HECTD2: variants seen among roughly 807,000 people sequenced by gnomAD.
HECTD2 encodes the protein HECT domain E3 ubiquitin protein ligase 2.
Under a neutral mutation model 103.2 loss-of-function variants are expected in HECTD2, and 35 were observed. That is an observed-to-expected ratio of 0.34 (90% CI 0.26 to 0.45). HECTD2 has a LOEUF of 0.45. HECTD2 is among the 20% of genes least tolerant of loss of function. HECTD2 has a pLI of 1.00. For synonymous variants in HECTD2, 281 were observed against 329.9 expected, an observed-to-expected ratio of 0.85 and a Z score of 1.61; for missense variants, 596 against 937.4, an observed-to-expected ratio of 0.64 and a Z score of 4.76.
intron 8 of HECTD2, among the ~76,000 whole-genome samples, chr10:91,483,346 T>G (rs1209271287): frequency 6.6e-6 from 1 of 152,010 alleles, no homozygotes; most frequent in African/African-American, 2.4e-5. Context: ...AGCACATTCC[T>G]ATTATTGGTT....
At chr10:91,440,596 T>C (rs1404355019) in intron 2 of HECTD2, among the ~76,000 whole-genome samples, 1 of 138,864 alleles carries the variant, frequency 7.2e-6, no homozygotes, top group Admixed American at 7.4e-5. Context: ...CCTCATAAAG[T>C]GAGTTAGGGA....
At chr10:91,455,731 C>T (rs1201826732) in intron 2 of HECTD2, among the ~76,000 whole-genome samples, 4 of 150,780 alleles carry the variant, frequency 2.7e-5, no homozygotes, top group African/African-American at 9.7e-5. Flanking sequence ...CTTTAATCCA[C>T]CTTGAATTAA....
At chr10:91,491,359 G>T (rs1846472257) in intron 12 of HECTD2, 52 bp downstream of exon 12, 2 of 830,058 alleles carry the variant, frequency 2.4e-6, no homozygotes, top group African/African-American at 1.8e-5. Flanking sequence ...TCTATAATAT[G>T]ATTATTATAA....
At chr10:91,452,083 T>A (rs1844858758) in intron 2 of HECTD2, among the ~76,000 whole-genome samples, 1 of 151,992 alleles carries the variant, frequency 6.6e-6, no homozygotes, top group Non-Finnish European at 1.5e-5. Flanking sequence ...CAATAGAAAT[T>A]ATCCAGTCTT....
At position 91,492,461 on chromosome 10, in the gene HECTD2, G is replaced by A; in HGVS notation, c.1409G>A (p.Arg470His). 2 of 1,610,772 alleles carry A rather than the reference G, an allele frequency of 1.2e-6. No homozygotes were observed. The highest frequency in any genetic ancestry group is 8.5e-7 in the Non-Finnish European group (1 of 1,177,376). Residue 470 changes from arginine (R) to histidine (H), a missense_variant, in exon 13 of 21, where the codon CGC (arginine) becomes CAC (histidine). This residue lies in a region of HECTD2 where 303 missense variants were observed against 522.5 expected (regional missense o/e 0.58). Transcript: ENST00000298068. ...AAAGAATGGTTCCTTCTTCTAATTC[G>A]CCAAATTTTTCATCCAGATTATGGT... Reference protein sequence around the residue: ...LTKEWFLLLIRQIFHPDYGMF... With the variant: ...LTKEWFLLLIHQIFHPDYGMF...
chr10:91,464,284 G>A (rs1475483266), intron 5 of HECTD2, among the ~76,000 whole-genome samples: 1 of 152,154 alleles, frequency 6.6e-6, no homozygotes, highest in Non-Finnish European at 1.5e-5. Context: ...CCAAGGATTG[G>A]TAAACAGAGA....
chr10:91,436,221 A>C (rs969192028), intron 2 of HECTD2, among the ~76,000 whole-genome samples: 7 of 151,976 alleles, frequency 4.6e-5, no homozygotes, highest in African/African-American at 1.7e-4. Context: ...TTTTCTGCTC[A>C]TGGTTAATGA....
intron 2 of HECTD2, among the ~76,000 whole-genome samples, chr10:91,426,215 A>T (rs1843553613): frequency 6.6e-6 from 1 of 152,036 alleles, no homozygotes; most frequent in Admixed American, 6.6e-5. Context: ...ATATATTATT[A>T]ATGTTTCTTA....
chr10:91,486,646 A>G (rs1310337150), intron 10 of HECTD2: 6 of 152,196 alleles, frequency 3.9e-5, no homozygotes, highest in Non-Finnish European at 7.3e-5. Context: ...TCTCTTGTGC[A>G]TAACAAGGGA....
At chr10:91,430,819 T>G (rs1843827559) in intron 2 of HECTD2, among the ~76,000 whole-genome samples, 1 of 152,018 alleles carries the variant, frequency 6.6e-6, no homozygotes, top group Non-Finnish European at 1.5e-5. Context: ...CTGATGGGTC[T>G]TGACTCTTTA....
Position 91,483,800 on chromosome 10 carries a change from G to GT in HECTD2, c.822-699dup, listed in dbSNP as rs532422836. Among the ~76,000 whole-genome samples the GT allele has an allele frequency of 3.5e-3, 523 of 151,580 alleles. 3 individuals are homozygous for GT. The highest frequency in any genetic ancestry group is 7.1e-3 in the South Asian group (34 of 4,808). ...CAGTATATAACTTTGCTTTATGAGT[G>GT]TTTTTTTTAAAGACACACTTCATTT... On this transcript the variant is annotated intron_variant, in intron 8 of 20. Coordinates refer to ENST00000298068, the MANE Select transcript of HECTD2 (RefSeq NM_182765.6).
chr10:91,417,690 T>C (rs1843186196), intron 1 of HECTD2, among the ~76,000 whole-genome samples: 1 of 152,240 alleles, frequency 6.6e-6, no homozygotes, highest in Admixed American at 6.5e-5. Flanking sequence ...ACAAAGGACA[T>C]GAACTCATCA....
intron 2 of HECTD2, among the ~76,000 whole-genome samples, chr10:91,431,802 C>T (rs1430738106): frequency 1.3e-5 from 2 of 151,990 alleles, no homozygotes; most frequent in South Asian, 2.1e-4. Context: ...TCAAAGTTTT[C>T]AACTTCTTTG....
chr10:91,411,719 C>G (rs1002871682), intron 1 of HECTD2, among the ~76,000 whole-genome samples: 1 of 152,178 alleles, frequency 6.6e-6, no homozygotes, highest in African/African-American at 2.4e-5. Flanking sequence ...AGTAATGATA[C>G]ACGTTTAAAA....
intron 2 of HECTD2, among the ~76,000 whole-genome samples, chr10:91,454,574 CTTT>C (rs914013359): frequency 6.8e-6 from 1 of 147,894 alleles, no homozygotes; most frequent in Non-Finnish European, 1.5e-5. Flanking sequence ...TGGAAAGTGT[CTTT>C]TTTTTTTAAT....
intron 5 of HECTD2, among the ~76,000 whole-genome samples, chr10:91,470,087 T>C (rs924040838): frequency 6.6e-6 from 1 of 152,214 alleles, no homozygotes; most frequent in African/African-American, 2.4e-5. Context: ...CTTAGAGATC[T>C]ACAAAGAGAC....
At position 91,478,147 on chromosome 10, in the gene HECTD2, A is replaced by G; in HGVS notation, c.601-54A>G. The G allele has an allele frequency of 2.6e-6, 3 of 1,134,842 alleles. No homozygotes were observed. The South Asian group carries it at 3.8e-5, about 14-fold the overall frequency. The allele number at this position is 1,134,842 out of a possible 1,614,324, so 70.3% of individuals were successfully genotyped here. ...GATCTGTAAATATAATTAACATATAAACGTCACCTAATTTGGTAATCCTAA... is the reference window on the plus strand; with the variant it reads ...GATCTGTAAATATAATTAACATATAGACGTCACCTAATTTGGTAATCCTAA... On this transcript the variant is annotated intron_variant, in intron 5 of 20. Coordinates refer to ENST00000298068, the MANE Select transcript of HECTD2 (RefSeq NM_182765.6).
intron 5 of HECTD2, among the ~76,000 whole-genome samples, chr10:91,475,563 G>A (rs1230271333): frequency 6.6e-6 from 1 of 152,174 alleles, no homozygotes; most frequent in Non-Finnish European, 1.5e-5. Context: ...ACTTTAATAT[G>A]CCTATTTGGA....
chr10:91,456,417 A>G (rs2133182443), intron 2 of HECTD2, among the ~76,000 whole-genome samples: 1 of 152,234 alleles, frequency 6.6e-6, no homozygotes, highest in East Asian at 1.9e-4. Context: ...ATTTTTGCAC[A>G]TTGATTTTTG....
Sources: gnomAD v4.1 joint callset for allele counts (sites outside exome capture counted in the v4.1 genomes callset) on GRCh38, gnomAD v4.1.1 for gene constraint, gnomAD v4.1.1 regional missense constraint, MANE v1.5 for transcripts, NCBI Gene and HGNC (gene_info 2026-07-23, HGNC 2026-07-21) for gene names.